The following TRHDE variants were observed in gnomAD, a reference collection of about 807,000 sequenced individuals.
The protein encoded by TRHDE is thyrotropin-releasing hormone-degrading ectoenzyme.
In TRHDE, 72 loss-of-function variants were observed where a neutral mutation model predicts 125.7. The ratio of observed to expected loss-of-function variants is 0.57; its 90% confidence interval spans 0.47 to 0.70. The LOEUF is 0.70. Among genes scored for constraint, TRHDE ranks in the 30% least tolerant of loss-of-function variants. The probability of loss-of-function intolerance (pLI) is 0.00; values close to 1 mark genes in which losing one functional copy is unlikely to be tolerated. For synonymous variants in TRHDE, 509 were observed against 509.1 expected, an observed-to-expected ratio of 1.00 and a Z score of 0.00; for missense variants, 1,110 against 1,327.1, an observed-to-expected ratio of 0.84 and a Z score of 2.54.
chr12:72,655,970 A>T (rs1874693596), intron 17 of TRHDE, among the ~76,000 whole-genome samples: 1 of 152,198 alleles, frequency 6.6e-6, no homozygotes, highest in African/African-American at 2.4e-5. Context: ...ACAGAAGCTA[A>T]ATTAAATCTT....
intron 2 of TRHDE, among the ~76,000 whole-genome samples, chr12:72,187,372 A>G (rs888953179): frequency 1.5e-5 from 2 of 134,286 alleles, no homozygotes; most frequent in Admixed American, 1.5e-4. Flanking sequence ...CGAAGTCTCT[A>G]TTTGCCATTT....
rs997845043 is a variant in TRHDE at position 72,148,442 on chromosome 12, C to T, written n.279+42690C>T. Among the ~76,000 whole-genome samples, 4 of 152,132 alleles carry T rather than the reference C, an allele frequency of 2.6e-5. No homozygotes were observed. In the East Asian group the frequency reaches 7.7e-4, roughly 29 times the overall value. ...TAACAAATTTCATCCATAAATCAGA[C>T]ATTTTGCACCTCAATTTTTACTCTC... On this transcript the variant is annotated intron_variant and non_coding_transcript_variant, in intron 2 of 4. Coordinates refer to the TRHDE transcript ENST00000548156.
At chr12:72,158,649 T>C (rs1876571125) in intron 2 of TRHDE, among the ~76,000 whole-genome samples, 1 of 152,238 alleles carries the variant, frequency 6.6e-6, no homozygotes, top group South Asian at 2.1e-4. Context: ...CATCTTTTTC[T>C]GTTTCAATTC....
intron 12 of TRHDE, among the ~76,000 whole-genome samples, chr12:72,608,504 A>G (rs936913157): frequency 6.6e-6 from 1 of 152,190 alleles, no homozygotes; most frequent in Non-Finnish European, 1.5e-5. Flanking sequence ...TCTGTAGGCC[A>G]GAGTCTGAGC....
chr12:72,457,073 C>T (rs934369820), intron 3 of TRHDE, among the ~76,000 whole-genome samples: 3 of 152,034 alleles, frequency 2.0e-5, no homozygotes. Flanking sequence ...TCAATGCCTC[C>T]CAGCTGATAC....
rs766899660 is a variant in TRHDE at position 72,195,312 on chromosome 12, T to A, written n.279+89560T>A. On this transcript the variant is annotated intron_variant and non_coding_transcript_variant, in intron 2 of 4. Transcript: ENST00000548156. ...AAGGGTAGTTCTGTTTTAAATTCTT[T>A]AAGAAATCTCTAAACTGCTTTCCAC... Among the ~76,000 whole-genome samples the A allele has an allele frequency of 9.9e-4, 151 of 152,164 alleles. 1 individual carries two copies. Among genetic ancestry groups the A allele is most frequent in the Non-Finnish European group, 1.6e-3 (107 of 68,024 alleles).
chr12:72,224,922 A>G (rs1443513812), intron 2 of TRHDE, among the ~76,000 whole-genome samples: 1 of 152,156 alleles, frequency 6.6e-6, no homozygotes, highest in Non-Finnish European at 1.5e-5. Context: ...TATCTCACTC[A>G]GCACTTCATA....
chr12:72,380,631 G>A (rs937094017), intron 3 of TRHDE, among the ~76,000 whole-genome samples: 2 of 152,288 alleles, frequency 1.3e-5, no homozygotes, highest in South Asian at 2.1e-4. Context: ...GTAAAGGGGT[G>A]AGAAGTAGAT....
At chr12:72,460,987 A>C (rs1291351754) in intron 3 of TRHDE, among the ~76,000 whole-genome samples, 2 of 152,176 alleles carry the variant, frequency 1.3e-5, no homozygotes, top group Non-Finnish European at 2.9e-5. Context: ...TAATCAGTAA[A>C]TGTCGAGGAA....
In TRHDE at chr12:72,551,014, T is replaced by G. The variant is rs1324467911; in HGVS notation, c.1788+8658T>G. ...TTCATTTATTCTTTTATAACATTTATCCATGTGTCTTATGCATTAAAATTG... is the reference window on the plus strand; with the variant it reads ...TTCATTTATTCTTTTATAACATTTAGCCATGTGTCTTATGCATTAAAATTG... On this transcript the variant is annotated intron_variant, in intron 7 of 18. Coordinates refer to ENST00000261180, the MANE Select transcript of TRHDE (RefSeq NM_013381.3). 6.6e-5 allele frequency among the ~76,000 whole-genome samples: 10 copies of G among 152,068 alleles called. 1 individual carries two copies. The highest frequency in any genetic ancestry group is 6.6e-4 in the Admixed American group (10 of 15,222).
At chr12:72,356,875 C>G (rs543281703) in intron 2 of TRHDE, among the ~76,000 whole-genome samples, 1 of 151,296 alleles carries the variant, frequency 6.6e-6, no homozygotes, top group South Asian at 2.1e-4. Context: ...TACCTGTGAG[C>G]CAGAGATCAT....
chr12:72,376,762 A>G (rs1055696065), intron 2 of TRHDE, among the ~76,000 whole-genome samples: 3 of 151,894 alleles, frequency 2.0e-5, no homozygotes, highest in African/African-American at 7.2e-5. Flanking sequence ...ATAATAGATG[A>G]TGTATAACAT....
At chr12:72,210,748 C>G (rs1042258694) in intron 2 of TRHDE, among the ~76,000 whole-genome samples, 1 of 152,172 alleles carries the variant, frequency 6.6e-6, no homozygotes, top group Non-Finnish European at 1.5e-5. Flanking sequence ...ATTTTCATTA[C>G]TATCAGTTTT....
intron 2 of TRHDE, chr12:72,262,594 A>T (rs749184779): frequency 2.6e-4 from 40 of 152,168 alleles, no homozygotes; most frequent in Non-Finnish European, 7.4e-5. Flanking sequence ...AAACATGAAC[A>T]TTCGTCTCTC....
At chr12:72,344,440 G>A (rs1870222183) in intron 2 of TRHDE, among the ~76,000 whole-genome samples, 1 of 151,986 alleles carries the variant, frequency 6.6e-6, no homozygotes, top group Non-Finnish European at 1.5e-5. Flanking sequence ...AAAGCCTGAG[G>A]GCCTTAAATG....
At chr12:72,474,972 C>T (rs1371965200) in intron 5 of TRHDE, among the ~76,000 whole-genome samples, 1 of 152,076 alleles carries the variant, frequency 6.6e-6, no homozygotes, top group African/African-American at 2.4e-5. Flanking sequence ...CAACATGACT[C>T]ACTTGCACAA....
At chr12:72,400,688 G>A (rs560107764) in intron 3 of TRHDE, among the ~76,000 whole-genome samples, 5 of 152,184 alleles carry the variant, frequency 3.3e-5, no homozygotes, top group African/African-American at 1.2e-4. Flanking sequence ...TGAATTACAG[G>A]TTGCATGTAT....
chr12:72,333,323 A>T (rs1869687788), intron 2 of TRHDE, among the ~76,000 whole-genome samples: 1 of 152,236 alleles, frequency 6.6e-6, no homozygotes, highest in African/African-American at 2.4e-5. Context: ...CAATGCAAGG[A>T]TAAAAACAAT....
chr12:72,308,157 G>A (rs1455723634), intron 2 of TRHDE, among the ~76,000 whole-genome samples: 1 of 151,774 alleles, frequency 6.6e-6, no homozygotes, highest in African/African-American at 2.4e-5. Flanking sequence ...TCTCAGAGCA[G>A]TGTAACTCTA....
Sources: gnomAD v4.1 joint callset for allele counts (sites outside exome capture counted in the v4.1 genomes callset) on GRCh38, gnomAD v4.1.1 for gene constraint, MANE v1.5 for transcripts, NCBI Gene and HGNC (gene_info 2026-07-23, HGNC 2026-07-21) for gene names.